Variants in BAZ2B observed in about 807,000 individuals in gnomAD.
BAZ2B encodes bromodomain adjacent to zinc finger domain protein 2B.
A neutral mutation model predicts 246.0 loss-of-function variants in BAZ2B; 91 were observed. The ratio of observed to expected loss-of-function variants is 0.37; its 90% CI spans 0.31 to 0.44. The LOEUF (loss-of-function observed/expected upper bound fraction) is 0.44. BAZ2B is among the 20% of genes least tolerant of loss of function. The probability of loss-of-function intolerance (pLI) is 1.00; values close to 1 mark genes in which losing one functional copy is unlikely to be tolerated. For missense variants in BAZ2B, 2,332 were observed against 2,533.7 expected (o/e 0.92, Z 1.71); for synonymous variants, 855 against 860.0 (o/e 0.99, Z 0.10).
At chr2:159,345,039 G>A (rs2067529176) in intron 31 of BAZ2B, among the ~76,000 whole-genome samples, 1 of 151,998 alleles carries the variant, frequency 6.6e-6, no homozygotes, top group Non-Finnish European at 1.5e-5. Flanking sequence ...GAGAAACCCT[G>A]TCTCTACTAA....
the BAZ2B span, among the ~76,000 whole-genome samples, chr2:159,660,993 T>C: frequency 6.6e-6 from 1 of 152,338 alleles, no homozygotes; most frequent in African/African-American, 2.4e-5. Context: ...AATTTTGACT[T>C]ATGAATATAC....
chr2:159,669,598 T>C, the BAZ2B span, among the ~76,000 whole-genome samples: 1 of 152,158 alleles, frequency 6.6e-6, no homozygotes, highest in African/African-American at 2.4e-5. Context: ...CATTTGTGAT[T>C]ACATTTTCTC....
chr2:159,344,709 C>A (rs1199981295), intron 31 of BAZ2B, among the ~76,000 whole-genome samples: 1 of 151,746 alleles, frequency 6.6e-6, no homozygotes, highest in East Asian at 1.9e-4. Context: ...ACGAAATATC[C>A]TGTCATTAGA....
the BAZ2B span, chr2:159,710,893 A>T: frequency 6.6e-6 from 1 of 152,198 alleles, no homozygotes; most frequent in African/African-American, 2.4e-5. Flanking sequence ...TGTCTAAGAG[A>T]CCTATGTAAT....
intron 19 of BAZ2B, among the ~76,000 whole-genome samples, chr2:159,396,728 T>C (rs1345568172): frequency 6.6e-6 from 1 of 152,082 alleles, no homozygotes; most frequent in Non-Finnish European, 1.5e-5. Flanking sequence ...AACTCAAAAT[T>C]CCCACTGTAT....
At chr2:159,639,120 C>T in the BAZ2B span, among the ~76,000 whole-genome samples, 1 of 152,016 alleles carries the variant, frequency 6.6e-6, no homozygotes, top group Non-Finnish European at 1.5e-5. Flanking sequence ...GGAAAACACA[C>T]ACACACACAC....
chr2:159,631,311 G>A, the BAZ2B span, among the ~76,000 whole-genome samples: 1 of 152,146 alleles, frequency 6.6e-6, no homozygotes, highest in Non-Finnish European at 1.5e-5. Context: ...GTATGTATTA[G>A]AATGAACTCA....
intron 1 of BAZ2B, among the ~76,000 whole-genome samples, chr2:159,593,039 A>G (rs1689764398): frequency 6.6e-6 from 1 of 152,240 alleles, no homozygotes; most frequent in South Asian, 2.1e-4. Flanking sequence ...CAGTTTGGCC[A>G]AAACTCATGC....
At chr2:159,348,117 G>A (rs1214775458) in intron 30 of BAZ2B, among the ~76,000 whole-genome samples, 5 of 151,550 alleles carry the variant, frequency 3.3e-5, no homozygotes, top group East Asian at 1.9e-4. Flanking sequence ...CCAGGAGTTC[G>A]AGACCAGCCT....
In BAZ2B at chr2:159,446,791, G is replaced by C. The variant is rs1464464005; in HGVS notation, c.687C>G (p.Ile229Met). 8.1e-6 allele frequency: 13 copies of C among 1,605,960 alleles called. No individual in the cohort carries two copies. Among genetic ancestry groups the C allele is most frequent in the African/African-American group, 1.3e-5 (1 of 74,522 alleles). ...TCCAAGTACAACTTACCTTATCTTT[G>C]ATTTTGTCAACTCTAGCATCCAAAG... ...NQPLDARVDKIKDKKPRKKAM... is the reference protein window; with the variant it reads ...NQPLDARVDKMKDKKPRKKAM... The change falls in exon 6 of 37, where the codon ATC becomes ATG. Residue 229 changes from isoleucine to methionine, a missense_variant. Ile to Met is a conservative substitution (Grantham distance 10). Coordinates refer to ENST00000392783, the MANE Select transcript of BAZ2B (RefSeq NM_013450.4).
intron 13 of BAZ2B, among the ~76,000 whole-genome samples, chr2:159,413,702 T>C (rs934184685): frequency 6.7e-6 from 1 of 149,170 alleles, no homozygotes; most frequent in Non-Finnish European, 1.5e-5. Context: ...GAGCGAGACT[T>C]CATCTCTAAA....
At chr2:159,585,374 T>C (rs111537456) in intron 1 of BAZ2B, among the ~76,000 whole-genome samples, 3 of 152,288 alleles carry the variant, frequency 2.0e-5, no homozygotes, top group African/African-American at 4.8e-5. Context: ...TGATTTACAA[T>C]TAGGGGATCC....
At chr2:159,624,378 C>G in the BAZ2B span, among the ~76,000 whole-genome samples, 1 of 152,204 alleles carries the variant, frequency 6.6e-6, no homozygotes, top group South Asian at 2.1e-4. Flanking sequence ...GGGTCCCTGA[C>G]CCCTGTGCCT....
chr2:159,409,049 T>G (rs1020916647), intron 14 of BAZ2B, among the ~76,000 whole-genome samples: 3 of 151,394 alleles, frequency 2.0e-5, no homozygotes, highest in Admixed American at 6.6e-5. Context: ...ATTTATTTGT[T>G]TTTTTTTTGG....
intron 20 of BAZ2B, among the ~76,000 whole-genome samples, chr2:159,394,034 A>G (rs1426405680): frequency 6.6e-6 from 1 of 152,122 alleles, no homozygotes; most frequent in Non-Finnish European, 1.5e-5. Flanking sequence ...GAAGCCTAGT[A>G]TGCCTAAAGA....
chr2:159,451,147 A>G (rs2150430200), intron 4 of BAZ2B, among the ~76,000 whole-genome samples: 1 of 152,316 alleles, frequency 6.6e-6, no homozygotes, highest in South Asian at 2.1e-4. Context: ...AGCCAAAAAT[A>G]CTTCGCAAAA....
intron 30 of BAZ2B, among the ~76,000 whole-genome samples, chr2:159,348,319 C>CAAA (rs541304274): frequency 0.019 from 508 of 27,114 alleles, 39 homozygotes; most frequent in African/African-American, 0.044. Context: ...GACTCTCTCA[C>CAAA]AAAAAAAAAA....
chr2:159,598,345 T>C (rs551070954), intron 1 of BAZ2B, among the ~76,000 whole-genome samples: 3 of 152,324 alleles, frequency 2.0e-5, no homozygotes, highest in African/African-American at 7.2e-5. Context: ...TTGGGTTTAC[T>C]TGATATGTTA....
chr2:159,469,930 C>T (rs1467645270), intron 3 of BAZ2B, among the ~76,000 whole-genome samples: 3 of 152,276 alleles, frequency 2.0e-5, no homozygotes, highest in Non-Finnish European at 2.9e-5. Context: ...ATCTTACCCA[C>T]TCATTTCCAA....
Sources: gnomAD v4.1 joint callset for allele counts (sites outside exome capture counted in the v4.1 genomes callset) on GRCh38, gnomAD v4.1.1 for gene constraint, MANE v1.5 for transcripts, NCBI Gene and HGNC (gene_info 2026-07-23, HGNC 2026-07-21) for gene names.